The following ITGA9 variants were observed in gnomAD, a reference collection of about 807,000 sequenced individuals.
ITGA9 encodes integrin subunit alpha 9, also known as integrin alpha-9.
ITGA9 carries 56 observed loss-of-function variants against 127.8 expected under a neutral mutation model. The ratio of observed to expected loss-of-function variants is 0.44; its 90% CI spans 0.35 to 0.55. The LOEUF (loss-of-function observed/expected upper bound fraction) is 0.55, where lower values mean the gene tolerates loss of function less well. ITGA9 is among the 20% of genes least tolerant of loss of function. The probability of loss-of-function intolerance (pLI) is 0.00; values close to 1 mark genes in which losing one functional copy is unlikely to be tolerated. For synonymous variants in ITGA9, 508 were observed against 514.5 expected (o/e 0.99, Z 0.17); for missense variants, 1,196 against 1,347.1 (o/e 0.89, Z 1.76).
chr3:37,743,214 T>G (rs1409245215), intron 21 of ITGA9, among the ~76,000 whole-genome samples: 1 of 152,242 alleles, frequency 6.6e-6, no homozygotes, highest in Non-Finnish European at 1.5e-5. Flanking sequence ...AGTTGTTGTC[T>G]ATTCGGACTT....
At chr3:37,795,592 T>C (rs922369694) in intron 26 of ITGA9, among the ~76,000 whole-genome samples, 3 of 151,932 alleles carry the variant, frequency 2.0e-5, no homozygotes, top group Admixed American at 2.0e-4. Flanking sequence ...ATCCTCATAC[T>C]CCCCATTTTC....
At chr3:37,687,457 T>C (rs907696568) in intron 18 of ITGA9, among the ~76,000 whole-genome samples, 7 of 152,164 alleles carry the variant, frequency 4.6e-5, no homozygotes, top group African/African-American at 9.7e-5. Context: ...TCCAGAATAA[T>C]TGGAACAGAA....
chr3:37,530,896 T>C (rs1699144595), intron 13 of ITGA9, among the ~76,000 whole-genome samples: 1 of 151,498 alleles, frequency 6.6e-6, no homozygotes, highest in African/African-American at 2.4e-5. Flanking sequence ...GGACTACAGG[T>C]GCCCGCCACC....
Position 37,803,841 on chromosome 3 carries a change from C to T in ITGA9, c.2908C>T (p.His970Tyr). The T allele has an allele frequency of 6.2e-7, 1 of 1,614,140 alleles. No homozygotes were observed. Among genetic ancestry groups the T allele is most frequent in the Non-Finnish European group, 8.5e-7 (1 of 1,180,006 alleles). ...EEVTVVFEAL[H>Y]NLEPRGYVVG... ...CTCCTAGGTGGTCTTCGAGGCCCTG[C>T]ACAATCTGGAGCCCCGTGGCTACGT... Residue 970 changes from histidine (H) to tyrosine (Y), a missense_variant, in exon 27 of 28, where the codon CAC becomes TAC. Transcript: ENST00000264741.
chr3:37,492,543 T>C (rs1698684243), intron 4 of ITGA9, among the ~76,000 whole-genome samples: 1 of 152,220 alleles, frequency 6.6e-6, no homozygotes, highest in Non-Finnish European at 1.5e-5. Context: ...CAAGTACAGT[T>C]TGGGGAGGAG....
intron 11 of ITGA9, among the ~76,000 whole-genome samples, chr3:37,522,738 A>G (rs982117593): frequency 6.8e-6 from 1 of 147,660 alleles, no homozygotes; most frequent in Non-Finnish European, 1.5e-5. Context: ...AAAAAAAAAA[A>G]GAGAAAGTTT....
At chr3:37,646,298 C>G (rs1441749224) in intron 16 of ITGA9, among the ~76,000 whole-genome samples, 3 of 152,204 alleles carry the variant, frequency 2.0e-5, no homozygotes, top group Non-Finnish European at 1.5e-5. Context: ...CCTACAAGCC[C>G]AAAACATATA....
At chr3:37,638,451 GAAAAAA>G (rs35047739) in intron 16 of ITGA9, among the ~76,000 whole-genome samples, 5 of 127,616 alleles carry the variant, frequency 3.9e-5, no homozygotes, top group Admixed American at 8.0e-5. Context: ...TGATTATGGG[GAAAAAA>G]AAAAAAAAAA....
chr3:37,815,933 C>T (rs1005380418), intron 27 of ITGA9, among the ~76,000 whole-genome samples: 1 of 152,106 alleles, frequency 6.6e-6, no homozygotes, highest in Admixed American at 6.5e-5. Context: ...AAAAACTGGT[C>T]TCTTAGCAGG....
intron 18 of ITGA9, among the ~76,000 whole-genome samples, chr3:37,720,304 G>A (rs1218900177): frequency 6.6e-6 from 1 of 152,162 alleles, no homozygotes; most frequent in African/African-American, 2.4e-5. Flanking sequence ...TCAAACATTT[G>A]ACTCCCGCAT....
At chr3:37,545,643 G>C (rs780440392) in intron 15 of ITGA9, among the ~76,000 whole-genome samples, 1 of 152,200 alleles carries the variant, frequency 6.6e-6, no homozygotes, top group African/African-American at 2.4e-5. Context: ...TGGCTTCTCT[G>C]CCTCAGAGTT....
intron 18 of ITGA9, among the ~76,000 whole-genome samples, chr3:37,702,185 A>C (rs1269290706): frequency 6.6e-6 from 1 of 152,184 alleles, no homozygotes; most frequent in Non-Finnish European, 1.5e-5. Flanking sequence ...ACAGTCACCT[A>C]CTATAGCCTC....
intron 17 of ITGA9, among the ~76,000 whole-genome samples, chr3:37,659,666 T>C (rs1285012315): frequency 3.3e-5 from 5 of 152,124 alleles, no homozygotes; most frequent in Admixed American, 3.3e-4. Context: ...ACCCACCTTC[T>C]GAAGCTTACT....
intron 15 of ITGA9, among the ~76,000 whole-genome samples, chr3:37,594,568 C>T (rs907322849): frequency 6.6e-6 from 1 of 151,938 alleles, no homozygotes; most frequent in African/African-American, 2.4e-5. Context: ...AGGTGAAGGG[C>T]ACAGACTTGG....
intron 3 of ITGA9, among the ~76,000 whole-genome samples, chr3:37,476,250 TAA>T (rs1698492937): frequency 1.3e-5 from 2 of 152,212 alleles, no homozygotes; most frequent in Non-Finnish European, 2.9e-5. Context: ...TTTTAATTTT[TAA>T]GAAACCTCCA....
chr3:37,710,773 G>C (rs1294376702), intron 18 of ITGA9, among the ~76,000 whole-genome samples: 3 of 152,224 alleles, frequency 2.0e-5, no homozygotes, highest in Non-Finnish European at 4.4e-5. Flanking sequence ...TACAAGGAAG[G>C]CTTGGTGTCT....
chr3:37,741,359 A>G (rs1482413927), intron 20 of ITGA9, among the ~76,000 whole-genome samples: 2 of 151,730 alleles, frequency 1.3e-5, no homozygotes, highest in Non-Finnish European at 2.9e-5. Flanking sequence ...TCAGCTAGGA[A>G]GACTGACTCT....
chr3:37,656,955 T>A, intron 17 of ITGA9, among the ~76,000 whole-genome samples: 1 of 152,138 alleles, frequency 6.6e-6, no homozygotes. Flanking sequence ...AATCATGTGT[T>A]TTTTTTTCAT....
At chr3:37,679,659 CCT>C (rs1700716657) in intron 17 of ITGA9, among the ~76,000 whole-genome samples, 1 of 152,178 alleles carries the variant, frequency 6.6e-6, no homozygotes, top group African/African-American at 2.4e-5. Flanking sequence ...GAGAGACCAA[CCT>C]CTCTGACAGT....
Sources: gnomAD v4.1 joint callset for allele counts (sites outside exome capture counted in the v4.1 genomes callset) on GRCh38, gnomAD v4.1.1 for gene constraint, MANE v1.5 for transcripts, NCBI Gene and HGNC (gene_info 2026-07-23, HGNC 2026-07-21) for gene names.